The following C1orf21 variants were observed in gnomAD, a reference collection of about 807,000 sequenced individuals.
C1orf21 encodes the protein uncharacterized protein C1orf21.
In C1orf21, 3 loss-of-function variants were observed where a neutral mutation model predicts 18.7. The ratio of observed to expected loss-of-function variants is 0.16; its 90% CI spans 0.07 to 0.42. The LOEUF (loss-of-function observed/expected upper bound fraction) is 0.42, where lower values mean the gene tolerates loss of function less well. C1orf21 is among the 10% of genes least tolerant of loss of function. The pLI, the probability that C1orf21 is intolerant of heterozygous loss-of-function variation, is 0.99. For synonymous variants in C1orf21, 41 were observed against 46.4 expected (o/e 0.88, Z 0.47); for missense variants, 104 against 143.6 (o/e 0.72, Z 1.41).
chr1:184,600,750 C>T (rs550267085), intron 5 of C1orf21, among the ~76,000 whole-genome samples: 59 of 152,280 alleles, frequency 3.9e-4, no homozygotes, highest in African/African-American at 1.4e-3. Context: ...CTATATCAGC[C>T]ATGACAGGTA....
chr1:184,507,059 G>T (rs1658073771), intron 2 of C1orf21, among the ~76,000 whole-genome samples: 2 of 151,402 alleles, frequency 1.3e-5, no homozygotes, highest in Admixed American at 6.6e-5. Context: ...TTAATATAGG[G>T]ATCACAGAAA....
rs141765134 is a variant in C1orf21, at chr1:184,433,887, A to G, written c.-124-43499A>G. On this transcript the variant is annotated intron_variant, in intron 1 of 5. Coordinates refer to ENST00000235307, the MANE Select transcript of C1orf21 (RefSeq NM_030806.4). ...CTACTTGGGAACATTTACATGAGCT[A>G]TTTCTTTCCCATGCCTGAGAAATTC... is the stretch of plus-strand genomic sequence containing the variant. Among the ~76,000 whole-genome samples the G allele has an allele frequency of 5.0e-4, 76 of 152,106 alleles. 1 individual carries two copies. The East Asian group carries it at 0.014, about 28-fold the overall frequency.
intron 1 of C1orf21, among the ~76,000 whole-genome samples, chr1:184,423,652 C>T (rs1352606282): frequency 1.3e-5 from 2 of 152,188 alleles, no homozygotes; most frequent in Non-Finnish European, 2.9e-5. Context: ...GCACCCCTTA[C>T]AGATGGTTAT....
In C1orf21 at chr1:184,622,999, C is replaced by T. The variant is rs1388079926; in HGVS notation, c.*3443C>T. 1 of 152,220 alleles carries T rather than the reference C, an allele frequency of 6.6e-6. No individual in the cohort carries two copies. The highest frequency in any genetic ancestry group is 1.5e-5 in the Non-Finnish European group (1 of 68,064). 9.4% of individuals were successfully genotyped at this position (152,220 alleles called of 1,614,324 possible). ...TTCTTATAACTTTATCCTGCTATAA[C>T]TTTATCCTCTTCCCAGCCTCATCCC... On this transcript the variant is annotated 3_prime_UTR_variant, in exon 6 of 6. Transcript: ENST00000235307.
At chr1:184,541,960 C>T (rs1340561808) in intron 3 of C1orf21, among the ~76,000 whole-genome samples, 1 of 152,162 alleles carries the variant, frequency 6.6e-6, no homozygotes, top group African/African-American at 2.4e-5. Flanking sequence ...AAGTATAGAA[C>T]TCTTGAATAT....
At chr1:184,534,436 A>G (rs964127109) in intron 3 of C1orf21, among the ~76,000 whole-genome samples, 4 of 152,202 alleles carry the variant, frequency 2.6e-5, no homozygotes, top group Admixed American at 2.6e-4. Context: ...TTCCAGGTGT[A>G]AAGACATCAA....
chr1:184,405,504 C>G lies in C1orf21; in HGVS notation c.-125+18136C>G, dbSNP rs563638943. Among the ~76,000 whole-genome samples, 188 of 152,220 alleles carry G rather than the reference C, an allele frequency of 1.2e-3. 1 individual carries two copies. The highest frequency in any genetic ancestry group is 4.4e-3 in the African/African-American group (182 of 41,530). Reference sequence around the variant, plus strand: ...GCCACCACACCTGGCCCTAAAAATTCCTATTATGCTTTAAAGTTACATCAT... The same window carrying G: ...GCCACCACACCTGGCCCTAAAAATTGCTATTATGCTTTAAAGTTACATCAT... On this transcript the variant is annotated intron_variant, in intron 1 of 5. Transcript: ENST00000235307.
intron 1 of C1orf21, among the ~76,000 whole-genome samples, chr1:184,422,277 G>C (rs1656558153): frequency 1.3e-5 from 2 of 152,186 alleles, no homozygotes; most frequent in Admixed American, 1.3e-4. Flanking sequence ...TGTTCCTGAG[G>C]AAGGCTTTGT....
chr1:184,592,681 CA>C, intron 4 of C1orf21, among the ~76,000 whole-genome samples: 1 of 147,288 alleles, frequency 6.8e-6, no homozygotes, highest in East Asian at 2.1e-4. Flanking sequence ...CCCCATAAAT[CA>C]AAATCATAAG....
intron 1 of C1orf21, among the ~76,000 whole-genome samples, chr1:184,472,783 A>G (rs1228544163): frequency 6.6e-6 from 1 of 152,242 alleles, no homozygotes; most frequent in Non-Finnish European, 1.5e-5. Context: ...ATTCATACAA[A>G]AGTAATGGAC....
chr1:184,512,307 G>A (rs917318619), intron 3 of C1orf21, among the ~76,000 whole-genome samples: 31 of 152,156 alleles, frequency 2.0e-4, no homozygotes, highest in Admixed American at 7.9e-4. Context: ...TGGACTGTAA[G>A]CTCATGAGGC....
chr1:184,477,382 G>T lies in C1orf21; in HGVS notation c.-124-4G>T. ...CATTCTAATCTAGCTTTCTTTTCTTGCAGGTGCACACATCTTGACCAACTC... is the reference window on the plus strand; with the variant it reads ...CATTCTAATCTAGCTTTCTTTTCTTTCAGGTGCACACATCTTGACCAACTC... On this transcript the variant is annotated splice_region_variant and splice_polypyrimidine_tract_variant and intron_variant, in intron 1 of 5. Transcript: ENST00000235307. 1 of 668,506 alleles carries T rather than the reference G, an allele frequency of 1.5e-6. No homozygotes were observed. Among genetic ancestry groups the T allele is most frequent in the Non-Finnish European group, 2.6e-6 (1 of 391,242 alleles). 41.4% of individuals were successfully genotyped at this position (668,506 alleles called of 1,614,324 possible).
chr1:184,388,726 G>A (rs1236673474), intron 1 of C1orf21, among the ~76,000 whole-genome samples: 1 of 151,926 alleles, frequency 6.6e-6, no homozygotes, highest in Non-Finnish European at 1.5e-5. Context: ...TCAAGGGGAT[G>A]GGTTCAGCTT....
intron 1 of C1orf21, among the ~76,000 whole-genome samples, chr1:184,398,323 A>G (rs939533152): frequency 3.3e-5 from 5 of 152,302 alleles, no homozygotes; most frequent in African/African-American, 1.2e-4. Flanking sequence ...ACTAAGCCTC[A>G]GTGTGTTTAG....
intron 3 of C1orf21, among the ~76,000 whole-genome samples, chr1:184,555,635 C>G (rs1445041003): frequency 6.6e-6 from 1 of 152,000 alleles, no homozygotes; most frequent in African/African-American, 2.4e-5. Flanking sequence ...CCTTGTGCCC[C>G]CATTTTTTTT....
intron 5 of C1orf21, among the ~76,000 whole-genome samples, chr1:184,603,529 T>TCA (rs1363053498): frequency 6.6e-6 from 1 of 152,244 alleles, no homozygotes; most frequent in Admixed American, 6.5e-5. Flanking sequence ...GTGCAGTGGC[T>TCA]CACGCCTATA....
intron 1 of C1orf21, among the ~76,000 whole-genome samples, chr1:184,422,990 A>G (rs757386445): frequency 6.6e-6 from 1 of 152,198 alleles, no homozygotes; most frequent in Non-Finnish European, 1.5e-5. Flanking sequence ...GTTTTAATCC[A>G]GCCCCTACCA....
At chr1:184,593,200 G>A (rs1659463752) in intron 4 of C1orf21, among the ~76,000 whole-genome samples, 1 of 152,136 alleles carries the variant, frequency 6.6e-6, no homozygotes, top group Admixed American at 6.6e-5. Context: ...CCCTGAAGCA[G>A]CACACTTCAC....
chr1:184,397,032 T>C (rs1315597035), intron 1 of C1orf21, among the ~76,000 whole-genome samples: 2 of 152,148 alleles, frequency 1.3e-5, no homozygotes, highest in Non-Finnish European at 1.5e-5. Context: ...AGGGAAAGTA[T>C]GTAGAAGAAA....
Sources: allele counts gnomAD v4.1 joint callset (sites outside exome capture counted in the v4.1 genomes callset), GRCh38; gene constraint gnomAD v4.1.1; transcripts MANE v1.5; gene names NCBI Gene and HGNC (gene_info 2026-07-23, HGNC 2026-07-21).